The following AGTPBP1 variants were observed in gnomAD, a reference collection of about 807,000 sequenced individuals.
AGTPBP1 encodes cytosolic carboxypeptidase 1.
AGTPBP1 carries 70 observed loss-of-function variants against 143.9 expected under a neutral mutation model. The ratio of observed to expected loss-of-function variants is 0.49; its 90% CI spans 0.40 to 0.59. The LOEUF (loss-of-function observed/expected upper bound fraction) is 0.59. Among genes scored for constraint, AGTPBP1 ranks in the 20% least tolerant of loss-of-function variants. The pLI, the probability that AGTPBP1 is intolerant of heterozygous loss-of-function variation, is 0.00. For synonymous variants in AGTPBP1, 463 were observed against 500.2 expected (o/e 0.93, Z 0.99); for missense variants, 1,229 against 1,464.5 (o/e 0.84, Z 2.62).
chr9:85,761,629 T>C, the AGTPBP1 span, among the ~76,000 whole-genome samples: 7 of 152,314 alleles, frequency 4.6e-5, 1 homozygote, highest in Middle Eastern at 3.4e-3. Context: ...TAATTCCAGC[T>C]GGATTAAAGA....
In AGTPBP1 at chr9:85,710,243, A is replaced by C. The variant is rs542884658; in HGVS notation, c.32+2259T>G. ...AGTGTTATACTCATGTTTCTTTTCT[A>C]CTCTCACAGATTTAGTACCAAGCTA... On this transcript the variant is annotated intron_variant, in intron 2 of 25. Transcript: ENST00000357081. 4.6e-5 allele frequency among the ~76,000 whole-genome samples: 7 copies of C among 151,964 alleles called. No homozygotes were observed. In the South Asian group the frequency reaches 1.5e-3, roughly 32 times the overall value.
chr9:85,698,915 G>T (rs1169555804), intron 2 of AGTPBP1, among the ~76,000 whole-genome samples: 1 of 151,368 alleles, frequency 6.6e-6, no homozygotes, highest in Non-Finnish European at 1.5e-5. Flanking sequence ...GGATGGTCTC[G>T]ATCTCCTGAC....
chr9:85,573,445 G>A (rs1014395537), intron 25 of AGTPBP1, among the ~76,000 whole-genome samples: 7 of 152,122 alleles, frequency 4.6e-5, no homozygotes, highest in Non-Finnish European at 8.8e-5. Flanking sequence ...GCGTGATCTC[G>A]GCCCGCTACA....
intron 2 of AGTPBP1, among the ~76,000 whole-genome samples, chr9:85,708,305 C>T (rs1260615105): frequency 6.6e-6 from 1 of 152,122 alleles, no homozygotes; most frequent in Admixed American, 6.5e-5. Flanking sequence ...CACAGATAAT[C>T]TAGGATCATC....
intron 3 of AGTPBP1, among the ~76,000 whole-genome samples, chr9:85,690,167 A>G (rs950827266): frequency 2.0e-5 from 3 of 152,040 alleles, no homozygotes; most frequent in Admixed American, 1.3e-4. Context: ...TGTTTTCATT[A>G]GCAGTTCCTG....
the AGTPBP1 span, among the ~76,000 whole-genome samples, chr9:85,754,103 A>G: frequency 1.1e-4 from 16 of 152,184 alleles, no homozygotes; most frequent in Admixed American, 1.0e-3. Flanking sequence ...TTCTTATTTC[A>G]GTAGAAAGGA....
At chr9:85,722,230 G>T (rs2134628988) in intron 1 of AGTPBP1, among the ~76,000 whole-genome samples, 1 of 152,284 alleles carries the variant, frequency 6.6e-6, no homozygotes, top group African/African-American at 2.4e-5. Flanking sequence ...TTGCTAGGTA[G>T]GGGAAGTTCT....
rs759350122 is a variant in AGTPBP1, at chr9:85,579,055, G to A, written c.3207C>T (p.Cys1069=). ...CCACTACGAAGCTACAGCTGCTCAT[G>A]CAAAATGCTGGGGCGATATGGCTCA... The part of the protein sequence containing the change: ...KILSHIAPAF[C]MSSCSFVVEK... The change falls in exon 24 of 26, where the codon TGC becomes TGT. Residue 1069 remains cysteine, a synonymous_variant. Transcript: ENST00000357081. 9.7e-5 allele frequency: 157 copies of A among 1,610,488 alleles called. No homozygotes were observed. Among genetic ancestry groups the A allele is most frequent in the Non-Finnish European group, 1.3e-4 (153 of 1,178,850 alleles).
intron 3 of AGTPBP1, among the ~76,000 whole-genome samples, chr9:85,689,409 C>T (rs1587907049): frequency 6.6e-6 from 1 of 151,904 alleles, no homozygotes; most frequent in South Asian, 2.1e-4. Context: ...TACAAGAGTC[C>T]CCATCATAAA....
At chr9:85,606,009 GA>G (rs1168100663) in intron 17 of AGTPBP1, among the ~76,000 whole-genome samples, 1 of 151,916 alleles carries the variant, frequency 6.6e-6, no homozygotes, top group Non-Finnish European at 1.5e-5. Flanking sequence ...AAAACAATTG[GA>G]AAACAACAAA....
At chr9:85,599,211 G>GAGAGAGGA (rs1377445616) in intron 17 of AGTPBP1, among the ~76,000 whole-genome samples, 1 of 151,996 alleles carries the variant, frequency 6.6e-6, no homozygotes, top group Non-Finnish European at 1.5e-5. Context: ...AGGAGAGAGG[G>GAGAGAGGA]AGAGAGGAAG....
At chr9:85,609,651 T>C (rs2133414309) in intron 17 of AGTPBP1, among the ~76,000 whole-genome samples, 1 of 152,244 alleles carries the variant, frequency 6.6e-6, no homozygotes, top group Non-Finnish European at 1.5e-5. Context: ...GCAGATTTCA[T>C]TCAGGGGTAG....
chr9:85,588,552 G>A, intron 20 of AGTPBP1, 74 bp from the exon 21 acceptor site: 4 of 1,453,336 alleles, frequency 2.8e-6, no homozygotes, highest in Non-Finnish European at 3.7e-6. Context: ...TGGGGCTTTA[G>A]AAATGTCTCT....
At chr9:85,676,841 G>A (rs946693218) in intron 6 of AGTPBP1, among the ~76,000 whole-genome samples, 1 of 152,132 alleles carries the variant, frequency 6.6e-6, no homozygotes, top group Admixed American at 6.6e-5. Context: ...TTACACAATA[G>A]AATACTATTC....
the AGTPBP1 span, among the ~76,000 whole-genome samples, chr9:85,761,314 A>T: frequency 1.3e-5 from 2 of 152,224 alleles, no homozygotes; most frequent in Non-Finnish European, 2.9e-5. Flanking sequence ...CCACATTGCC[A>T]AGACAATCCT....
intron 1 of AGTPBP1, among the ~76,000 whole-genome samples, chr9:85,725,997 A>G (rs558957163): frequency 5.6e-4 from 82 of 145,746 alleles, no homozygotes; most frequent in Non-Finnish European, 1.1e-3. Context: ...TGCAGTTTGC[A>G]GTGAGCCAAG....
At chr9:85,781,717 AG>A in the AGTPBP1 span, among the ~76,000 whole-genome samples, 1 of 152,216 alleles carries the variant, frequency 6.6e-6, no homozygotes, top group Non-Finnish European at 1.5e-5. Flanking sequence ...GATGTATGGT[AG>A]GTAAGAATAA....
chr9:85,726,456 T>C (rs974675781), intron 1 of AGTPBP1, among the ~76,000 whole-genome samples: 4 of 152,202 alleles, frequency 2.6e-5, no homozygotes, highest in Non-Finnish European at 4.4e-5. Context: ...GATAATCCGA[T>C]GTGGTAATTT....
chr9:85,564,775 G>C (rs965864259), intron 25 of AGTPBP1, among the ~76,000 whole-genome samples: 1 of 152,156 alleles, frequency 6.6e-6, no homozygotes, highest in Non-Finnish European at 1.5e-5. Flanking sequence ...ACATTTCTCA[G>C]AATGTATTCC....
Sources: allele counts gnomAD v4.1 joint callset (sites outside exome capture counted in the v4.1 genomes callset), GRCh38; gene constraint gnomAD v4.1.1; transcripts MANE v1.5; gene names NCBI Gene and HGNC (gene_info 2026-07-23, HGNC 2026-07-21).